Variants in SIL1 observed in about 807,000 individuals in gnomAD.
SIL1 encodes nucleotide exchange factor SIL1.
SIL1 carries 40 observed loss-of-function variants against 49.1 expected under a neutral mutation model. The observed-to-expected ratio is 0.81, with a 90% confidence interval of 0.63 to 1.06. The LOEUF (loss-of-function observed/expected upper bound fraction) is 1.06, where lower values mean the gene tolerates loss of function less well. SIL1 is among the 50% of genes least tolerant of loss of function. The pLI, the probability that SIL1 is intolerant of heterozygous loss-of-function variation, is 0.00. For missense variants in SIL1, 500 were observed against 572.6 expected (o/e 0.87, Z 1.29); for synonymous variants, 253 against 250.8 (o/e 1.01, Z -0.08).
At chr5:139,155,860 T>C (rs1254313184) in intron 1 of SIL1, among the ~76,000 whole-genome samples, 3 of 151,636 alleles carry the variant, frequency 2.0e-5, no homozygotes, top group Non-Finnish European at 4.4e-5. Flanking sequence ...TTTAAGACAG[T>C]CTTGCTCTGT....
intron 1 of SIL1, among the ~76,000 whole-genome samples, chr5:139,194,510 T>C (rs1161595974): frequency 6.6e-6 from 1 of 152,220 alleles, no homozygotes; most frequent in Non-Finnish European, 1.5e-5. Context: ...CTCTCTGCTG[T>C]AGAAGACTAA....
At chr5:139,152,615 C>T (rs779306166) in intron 1 of SIL1, among the ~76,000 whole-genome samples, 1 of 137,556 alleles carries the variant, frequency 7.3e-6, no homozygotes, top group Non-Finnish European at 1.5e-5. Flanking sequence ...AGTGAGACAA[C>T]ATCTTGGGAA....
chr5:139,130,709 C>T (rs1050163505), intron 1 of SIL1, among the ~76,000 whole-genome samples: 2 of 152,092 alleles, frequency 1.3e-5, no homozygotes, highest in Non-Finnish European at 2.9e-5. Context: ...TCACGATACC[C>T]AAAAGGTGGA....
At chr5:139,108,450 C>T (rs1770772522) in intron 3 of SIL1, among the ~76,000 whole-genome samples, 2 of 152,122 alleles carry the variant, frequency 1.3e-5, no homozygotes, top group South Asian at 4.1e-4. Flanking sequence ...CAAACGGACA[C>T]CTTGTCGTTA....
intron 7 of SIL1, among the ~76,000 whole-genome samples, chr5:139,014,747 T>C (rs1331570091): frequency 1.3e-5 from 2 of 152,214 alleles, no homozygotes; most frequent in Non-Finnish European, 2.9e-5. Flanking sequence ...GACTATCCAA[T>C]TTCCTAGGCC....
chr5:138,995,855 C>T (rs1561819839), intron 7 of SIL1, among the ~76,000 whole-genome samples: 2 of 152,122 alleles, frequency 1.3e-5, no homozygotes, highest in Admixed American at 6.6e-5. Context: ...AACATAATGA[C>T]CTCCAATTCC....
At chr5:138,971,450 A>T (rs1398070844) in intron 7 of SIL1, among the ~76,000 whole-genome samples, 2 of 152,162 alleles carry the variant, frequency 1.3e-5, no homozygotes, top group Non-Finnish European at 2.9e-5. Context: ...AAACAGCTCC[A>T]CTTAGGAAAT....
At chr5:139,172,814 A>G (rs1561890117) in intron 1 of SIL1, among the ~76,000 whole-genome samples, 1 of 152,096 alleles carries the variant, frequency 6.6e-6, no homozygotes, top group Non-Finnish European at 1.5e-5. Context: ...CAGGCAGCAA[A>G]ACACCAGCTG....
At chr5:139,160,601 G>A (rs1189502005) in intron 1 of SIL1, among the ~76,000 whole-genome samples, 1 of 152,222 alleles carries the variant, frequency 6.6e-6, no homozygotes, top group Non-Finnish European at 1.5e-5. Flanking sequence ...CAGTTTGGGA[G>A]GCCGAGGCAG....
chr5:138,955,890 GA>G (rs1252026343), intron 7 of SIL1, among the ~76,000 whole-genome samples: 1 of 152,212 alleles, frequency 6.6e-6, no homozygotes, highest in Non-Finnish European at 1.5e-5. Context: ...AACAAGGGCT[GA>G]AAAGTAAGCT....
At position 139,184,349 on chromosome 5, in the gene SIL1, C is replaced by T. The variant is rs537710593; in HGVS notation, c.-11+13920G>A. ...CCCTAAATGGGTCATTTAGACTCTC[C>T]GAGCCTCAATATTTTACCACCATAA... On this transcript the variant is annotated intron_variant, in intron 1 of 9. Coordinates refer to ENST00000394817, the MANE Select transcript of SIL1 (RefSeq NM_022464.5). Among the ~76,000 whole-genome samples the T allele has an allele frequency of 5.3e-5, 8 of 152,192 alleles. No homozygotes were observed. The East Asian group carries it at 9.7e-4, about 18-fold the overall frequency.
At chr5:139,112,236 GC>G (rs1770868064) in intron 3 of SIL1, among the ~76,000 whole-genome samples, 1 of 152,242 alleles carries the variant, frequency 6.6e-6, no homozygotes, top group East Asian at 1.9e-4. Flanking sequence ...CTCCCAAAGT[GC>G]CGAGATTGCA....
chr5:139,043,448 G>A (rs1049397778), intron 4 of SIL1, among the ~76,000 whole-genome samples: 2 of 152,178 alleles, frequency 1.3e-5, no homozygotes, highest in African/African-American at 4.8e-5. Flanking sequence ...GAACTGATTA[G>A]ACAAGGCAGC....
At chr5:139,118,909 C>A (rs1445207609) in intron 3 of SIL1, among the ~76,000 whole-genome samples, 1 of 152,210 alleles carries the variant, frequency 6.6e-6, no homozygotes, top group Non-Finnish European at 1.5e-5. Context: ...TCCCACCTAA[C>A]CTCCCCTCAC....
intron 3 of SIL1, among the ~76,000 whole-genome samples, chr5:139,118,970 G>A (rs1326342378): frequency 6.6e-6 from 1 of 152,162 alleles, no homozygotes; most frequent in African/African-American, 2.4e-5. Flanking sequence ...CTGGGATGGG[G>A]CAGGCATGAC....
intron 1 of SIL1, among the ~76,000 whole-genome samples, chr5:139,147,237 CA>C (rs1296182393): frequency 6.6e-6 from 1 of 152,136 alleles, no homozygotes; most frequent in Non-Finnish European, 1.5e-5. Context: ...CCAACCACTC[CA>C]AAGAGGTATC....
intron 1 of SIL1, among the ~76,000 whole-genome samples, chr5:139,162,157 A>T (rs557823864): frequency 2.4e-4 from 37 of 152,244 alleles, no homozygotes; most frequent in South Asian, 2.3e-3. Context: ...TGCCATGAAA[A>T]ACCAGGCCAC....
intron 4 of SIL1, among the ~76,000 whole-genome samples, chr5:139,045,174 T>C (rs562569716): frequency 1.3e-5 from 2 of 151,902 alleles, no homozygotes; most frequent in South Asian, 4.2e-4. Flanking sequence ...AAGGGCAACA[T>C]AGTAAGATTC....
chr5:139,192,513 A>T (rs1255968087), intron 1 of SIL1, among the ~76,000 whole-genome samples: 2 of 152,010 alleles, frequency 1.3e-5, no homozygotes. Flanking sequence ...TTCTCTGTAG[A>T]TGTGAAATGT....
Sources: allele counts gnomAD v4.1 joint callset (sites outside exome capture counted in the v4.1 genomes callset), GRCh38; gene constraint gnomAD v4.1.1; transcripts MANE v1.5; gene names NCBI Gene and HGNC (gene_info 2026-07-23, HGNC 2026-07-21).